CHSY3: variants seen among roughly 807,000 people sequenced by gnomAD.
The protein encoded by CHSY3 is N-acetylgalactosaminyl-proteoglycan 3-beta-glucuronosyltransferase 3.
In CHSY3, 35 loss-of-function variants were observed where a neutral mutation model predicts 67.2. That is an observed-to-expected ratio of 0.52 (90% CI 0.40 to 0.69). The LOEUF (loss-of-function observed/expected upper bound fraction) is 0.69. Ranked by LOEUF, CHSY3 falls within the 30% of genes least tolerant of loss-of-function variation. The pLI, the probability that CHSY3 is intolerant of heterozygous loss-of-function variation, is 0.00. For missense variants in CHSY3, 1,069 were observed against 1,138.5 expected (o/e 0.94, Z 0.88); for synonymous variants, 474 against 434.7 (o/e 1.09, Z -1.12).
At chr5:130,094,862 T>G (rs1268054304) in intron 2 of CHSY3, among the ~76,000 whole-genome samples, 1 of 152,136 alleles carries the variant, frequency 6.6e-6, no homozygotes, top group African/African-American at 2.4e-5. Flanking sequence ...TAAAAGGAAC[T>G]GTATATATGC....
chr5:130,088,310 A>G (rs1307282927), intron 2 of CHSY3, among the ~76,000 whole-genome samples: 2 of 150,596 alleles, frequency 1.3e-5, no homozygotes, highest in Admixed American at 6.6e-5. Flanking sequence ...AGGCATGGGC[A>G]AGGACTTCAT....
intron 2 of CHSY3, among the ~76,000 whole-genome samples, chr5:130,168,444 G>A (rs1324243809): frequency 6.6e-6 from 1 of 152,090 alleles, no homozygotes; most frequent in Non-Finnish European, 1.5e-5. Context: ...CATCAGTCAT[G>A]CTACAATAGT....
chr5:130,062,055 T>G (rs1245457769), intron 2 of CHSY3, among the ~76,000 whole-genome samples: 1 of 152,028 alleles, frequency 6.6e-6, no homozygotes, highest in East Asian at 1.9e-4. Context: ...GTATCTACCC[T>G]AAGGAAAAGA....
At chr5:129,937,747 A>T (rs1471855227) in intron 2 of CHSY3, among the ~76,000 whole-genome samples, 1 of 152,202 alleles carries the variant, frequency 6.6e-6, no homozygotes, top group African/African-American at 2.4e-5. Context: ...TACAGGCCCC[A>T]TGCAAGTCTA....
chr5:129,998,193 T>A (rs1330849367), intron 2 of CHSY3, among the ~76,000 whole-genome samples: 2 of 152,206 alleles, frequency 1.3e-5, no homozygotes, highest in African/African-American at 4.8e-5. Flanking sequence ...TTCACTTTTA[T>A]GCTAGCCTAT....
chr5:129,905,727 C>A, intron 1 of CHSY3, 96 bp downstream of exon 1: 1 of 1,532,676 alleles, frequency 6.5e-7, no homozygotes, highest in South Asian at 1.3e-5. Flanking sequence ...CGCTGCTTCT[C>A]TGCCAGCACG....
At chr5:130,150,835 T>A (rs30265) in intron 2 of CHSY3, among the ~76,000 whole-genome samples, 143,937 of 152,272 alleles carry the variant, frequency 0.95, 68,145 homozygotes, top group East Asian at 1. Context: ...ACTTGCAGTT[T>A]TATTTGTTTC....
intron 2 of CHSY3, among the ~76,000 whole-genome samples, chr5:129,984,866 GGTT>G (rs1171190469): frequency 6.6e-6 from 1 of 151,960 alleles, no homozygotes; most frequent in African/African-American, 2.4e-5. Flanking sequence ...CTTATAAAGT[GGTT>G]GTTTGTTTTT....
intron 2 of CHSY3, among the ~76,000 whole-genome samples, chr5:130,091,359 T>C (rs1766876651): frequency 6.6e-6 from 1 of 152,318 alleles, no homozygotes; most frequent in South Asian, 2.1e-4. Flanking sequence ...ATTGTGATTC[T>C]AAATGTAAAC....
At chr5:130,107,678 C>G (rs1197552554) in intron 2 of CHSY3, among the ~76,000 whole-genome samples, 1 of 151,580 alleles carries the variant, frequency 6.6e-6, no homozygotes, top group African/African-American at 2.4e-5. Flanking sequence ...TTGACAGGCC[C>G]TGGCAGGCAG....
intron 2 of CHSY3, among the ~76,000 whole-genome samples, chr5:130,023,249 T>C (rs1284326887): frequency 6.6e-6 from 1 of 151,760 alleles, no homozygotes; most frequent in Non-Finnish European, 1.5e-5. Flanking sequence ...AAAAAAGAGG[T>C]TATAGTTGCT....
intron 2 of CHSY3, among the ~76,000 whole-genome samples, chr5:130,007,803 G>A (rs912547535): frequency 2.0e-5 from 3 of 152,200 alleles, no homozygotes; most frequent in South Asian, 4.1e-4. Flanking sequence ...TCAGAACAGG[G>A]CTATCTTGCC....
chr5:130,125,336 G>T (rs1273096696), intron 2 of CHSY3, among the ~76,000 whole-genome samples: 1 of 152,114 alleles, frequency 6.6e-6, no homozygotes, highest in Non-Finnish European at 1.5e-5. Context: ...AGAATTGCTT[G>T]AGTTCAAGAA....
chr5:130,072,139 A>G (rs1766093872), intron 2 of CHSY3, among the ~76,000 whole-genome samples: 1 of 151,920 alleles, frequency 6.6e-6, no homozygotes, highest in South Asian at 2.1e-4. Flanking sequence ...TTTTCTCCCA[A>G]TCCATGGTTG....
At chr5:130,070,388 C>A (rs532286381) in intron 2 of CHSY3, among the ~76,000 whole-genome samples, 2 of 152,002 alleles carry the variant, frequency 1.3e-5, no homozygotes, top group African/African-American at 2.4e-5. Context: ...GGTTTTCAGA[C>A]CAAAACAAGC....
chr5:130,087,297 A>T (rs1167871354), intron 2 of CHSY3, among the ~76,000 whole-genome samples: 1 of 152,208 alleles, frequency 6.6e-6, no homozygotes, highest in Admixed American at 6.5e-5. Flanking sequence ...ATTCCCTTTG[A>T]AAACTGACAC....
rs550024624 is a variant in CHSY3 at position 129,924,668 on chromosome 5, T to G, written c.1086+16308T>G. On this transcript the variant is annotated intron_variant, in intron 2 of 2. Transcript: ENST00000305031. ...TAAAAAAAAAAAAAAAAAATAGAAT[T>G]AACTTTCTGTAGTTATTCTTATGCC... is the stretch of plus-strand genomic sequence containing the variant. Among the ~76,000 whole-genome samples, 289 of 151,544 alleles carry G rather than the reference T, an allele frequency of 1.9e-3. 1 individual carries two copies. The highest frequency in any genetic ancestry group is 3.2e-3 in the Non-Finnish European group (220 of 67,830).
intron 2 of CHSY3, among the ~76,000 whole-genome samples, chr5:130,174,382 T>G (rs1285496851): frequency 6.6e-6 from 1 of 151,822 alleles, no homozygotes; most frequent in African/African-American, 2.4e-5. Context: ...TTAAGGAGAC[T>G]TTTTTCCTTC....
intron 2 of CHSY3, among the ~76,000 whole-genome samples, chr5:129,934,413 TAAAC>T (rs1359280384): frequency 6.6e-6 from 1 of 152,048 alleles, no homozygotes; most frequent in Non-Finnish European, 1.5e-5. Context: ...AAATGAAAAA[TAAAC>T]AAACATAGTG....
Sources: gnomAD v4.1 joint callset for allele counts (sites outside exome capture counted in the v4.1 genomes callset) on GRCh38, gnomAD v4.1.1 for gene constraint, MANE v1.5 for transcripts, NCBI Gene and HGNC (gene_info 2026-07-23, HGNC 2026-07-21) for gene names.